Variants in CFAP54 observed in about 807,000 individuals in gnomAD.
The protein encoded by CFAP54 is cilia- and flagella-associated protein 54.
Under a neutral mutation model 370.4 loss-of-function variants are expected in CFAP54, and 290 were observed. The observed-to-expected ratio is 0.78, with a 90% CI of 0.71 to 0.86. The LOEUF (loss-of-function observed/expected upper bound fraction) is 0.86. Ranked by LOEUF, CFAP54 falls within the 40% of genes least tolerant of loss-of-function variation. CFAP54 has a pLI of 0.00. For missense variants in CFAP54, 3,399 were observed against 3,528.7 expected (o/e 0.96, Z 0.93); for synonymous variants, 1,206 against 1,236.5 (o/e 0.98, Z 0.52).
chr12:96,753,928 T>C lies in CFAP54; in HGVS notation c.7840+30T>C, dbSNP rs199941237. 3.8e-5 allele frequency: 61 copies of C among 1,593,130 alleles called. No homozygotes were observed. In the South Asian group the frequency reaches 5.7e-4, roughly 15 times the overall value. On this transcript the variant is annotated intron_variant, in intron 56 of 67. Transcript: ENST00000524981. ...AATGCATCTGGGGTCAGAACTATGA[T>C]AAAATTTATGGAATTCTTTTTTCTG... is the stretch of plus-strand genomic sequence containing the variant.
At position 96,594,334 on chromosome 12, in the gene CFAP54, A is replaced by G. The variant is rs1451024457; in HGVS notation, c.3404A>G (p.Glu1135Gly). 1.3e-6 allele frequency: 2 copies of G among 1,534,830 alleles called. No individual in the cohort carries two copies. Among genetic ancestry groups the G allele is most frequent in the Non-Finnish European group, 1.7e-6 (2 of 1,145,998 alleles). ...IECERVLVAL[E>G]LSNFLNDSSY... ...TGTGAGAGAGTATTAGTGGCATTGG[A>G]ACTTAGCAACTTCCTAAATGATTCC... is the stretch of plus-strand genomic sequence containing the variant. Residue 1135 changes from glutamate (E) to glycine (G), a missense_variant, in exon 25 of 68, where the codon GAA becomes GGA. Glu to Gly is a moderately conservative substitution (Grantham distance 98, BLOSUM62 -2). Transcript: ENST00000524981.
At position 96,682,838 on chromosome 12, in the gene CFAP54, A is replaced by C. The variant is rs186001361; in HGVS notation, c.5717-1810A>C. ...GCCTCCTCTGTTTACCCATTTTCTT[A>C]GCTTGTCCATCACTATTGTGAGATT... is the stretch of plus-strand genomic sequence containing the variant. On this transcript the variant is annotated intron_variant, in intron 40 of 67. Coordinates refer to ENST00000524981, the MANE Select transcript of CFAP54 (RefSeq NM_001306084.2). Among the ~76,000 whole-genome samples, 176 of 152,270 alleles carry C rather than the reference A, an allele frequency of 1.2e-3. 1 individual carries two copies. Among genetic ancestry groups the C allele is most frequent in the African/African-American group, 4.0e-3 (167 of 41,546 alleles).
In CFAP54 at chr12:96,811,747, G is replaced by A; in HGVS notation, c.8862G>A (p.Leu2954=). The change falls in exon 64 of 68, where the codon TTG becomes TTA. Residue 2954 remains leucine (L), a synonymous_variant. Coordinates refer to ENST00000524981, the MANE Select transcript of CFAP54 (RefSeq NM_001306084.2). ...PKETEPMVLL[L]YAYNLKPLKI... ...TATTTTTCTTATAGGTTTTATTGTT[G>A]TATGCATATAATTTGAAGCCTCTGA... 2.0e-6 allele frequency: 3 copies of A among 1,488,084 alleles called. No individual in the cohort carries two copies. The highest frequency in any genetic ancestry group is 2.7e-6 in the Non-Finnish European group (3 of 1,118,262). 92.2% of individuals were successfully genotyped at this position (1,488,084 alleles called of 1,614,324 possible).
intron 39 of CFAP54, 44 bp from the exon 40 acceptor site, chr12:96,679,556 G>A (rs1264350435): frequency 5.7e-6 from 9 of 1,578,156 alleles, no homozygotes; most frequent in Non-Finnish European, 7.7e-6. Context: ...CCTTGGCTTG[G>A]TGCAGCATTT....
At chr12:96,764,129 A>G (rs1958369929) in intron 58 of CFAP54, 22 bp from the exon 59 acceptor site, 1 of 1,527,478 alleles carries the variant, frequency 6.5e-7, no homozygotes, top group African/African-American at 1.4e-5. Flanking sequence ...TTTATATCAT[A>G]ACACATTTGC....
At chr12:96,728,796 A>G (rs1187407732) in intron 50 of CFAP54, among the ~76,000 whole-genome samples, 1 of 151,792 alleles carries the variant, frequency 6.6e-6, no homozygotes, top group Non-Finnish European at 1.5e-5. Context: ...TTTTTTCCCC[A>G]TCTTTATGGT....
At chr12:96,640,838 T>C (rs1956718581) in intron 32 of CFAP54, among the ~76,000 whole-genome samples, 1 of 152,170 alleles carries the variant, frequency 6.6e-6, no homozygotes, top group African/African-American at 2.4e-5. Context: ...GGATTCCCTA[T>C]TTAATAAATG....
At chr12:96,785,490 C>A (rs2136694462) in intron 61 of CFAP54, among the ~76,000 whole-genome samples, 1 of 152,162 alleles carries the variant, frequency 6.6e-6, no homozygotes, top group East Asian at 1.9e-4. Context: ...TTGACCCATG[C>A]CAGGGCACAG....
intron 12 of CFAP54, 47 bp downstream of exon 12, chr12:96,535,647 T>G: frequency 7.7e-7 from 1 of 1,297,596 alleles, no homozygotes; most frequent in Non-Finnish European, 1.1e-6. Context: ...GAAGGAGGTT[T>G]TTGTGCCTAA....
chr12:96,679,430 G>GA (rs376587075), intron 39 of CFAP54, among the ~76,000 whole-genome samples, 170 bp from the exon 40 acceptor site: 19 of 145,716 alleles, frequency 1.3e-4, no homozygotes, highest in Middle Eastern at 3.5e-3. Context: ...TATACTAAAA[G>GA]AAAAAAAAAA....
At chr12:96,621,814 A>G in intron 27 of CFAP54, 93 bp downstream of exon 27, 2 of 844,174 alleles carry the variant, frequency 2.4e-6, no homozygotes, top group Non-Finnish European at 3.0e-6. Context: ...AAAATTGGTA[A>G]GTTTTACATT....
At chr12:96,518,641 G>A (rs1438486347) in intron 5 of CFAP54, among the ~76,000 whole-genome samples, 1 of 152,190 alleles carries the variant, frequency 6.6e-6, no homozygotes, top group African/African-American at 2.4e-5. Context: ...AGCTGCGATT[G>A]TGCCATTGCA....
At chr12:96,527,488 C>A in intron 9 of CFAP54, 44 bp downstream of exon 9, 3 of 1,318,840 alleles carry the variant, frequency 2.3e-6, no homozygotes, top group South Asian at 1.7e-5. Context: ...GAATGATACA[C>A]ATGAGTAACA....
chr12:96,542,906 G>T (rs1221457023), intron 14 of CFAP54, among the ~76,000 whole-genome samples: 4 of 152,150 alleles, frequency 2.6e-5, no homozygotes, highest in Middle Eastern at 6.8e-3. Flanking sequence ...CCCCTTTCAA[G>T]ACGTTTATCT....
chr12:96,526,754 C>A (rs1955385896), intron 8 of CFAP54, among the ~76,000 whole-genome samples: 1 of 152,118 alleles, frequency 6.6e-6, no homozygotes, highest in Non-Finnish European at 1.5e-5. Flanking sequence ...GATGTAATGG[C>A]AGCATGATAT....
rs1005160465 is a variant in CFAP54, at chr12:96,644,089, G to C, written c.4317-89G>C. ...CATAAGGGCAGTCAAGTGACTTATTGATGTATTATTTCCAAATTGGAATGA... is the reference window on the plus strand; with the variant it reads ...CATAAGGGCAGTCAAGTGACTTATTCATGTATTATTTCCAAATTGGAATGA... On this transcript the variant is annotated intron_variant, in intron 32 of 67. Transcript: ENST00000524981. 4.8e-6 allele frequency: 4 copies of C among 824,936 alleles called. No individual in the cohort carries two copies. In the African/African-American group the frequency reaches 6.9e-5, roughly 14 times the overall value. 51.1% of individuals were successfully genotyped at this position (824,936 alleles called of 1,614,324 possible).
In CFAP54 at chr12:96,581,032, T is replaced by C. The variant is rs377668288; in HGVS notation, c.3002T>C (p.Ile1001Thr). The change falls in exon 22 of 68, where the codon ATT becomes ACT. Residue 1001 changes from isoleucine (I) to threonine (T), a missense_variant. By Grantham distance (89) the Ile-to-Thr change is moderately conservative. Coordinates refer to ENST00000524981, the MANE Select transcript of CFAP54 (RefSeq NM_001306084.2). ...AACGGAAAGCTTGTCGGTGGTGCTA[T>C]TGGGGAGACAACTAAACCAATTCTG... ...SNNGKLVGGA[I>T]GETTKPILVY... The C allele has an allele frequency of 1.2e-4, 178 of 1,533,844 alleles. No individual in the cohort carries two copies. Among genetic ancestry groups the C allele is most frequent in the Non-Finnish European group, 1.4e-4 (162 of 1,145,580 alleles).
At chr12:96,704,092 T>C (rs1374403260) in intron 46 of CFAP54, among the ~76,000 whole-genome samples, 2 of 152,142 alleles carry the variant, frequency 1.3e-5, no homozygotes, top group African/African-American at 4.8e-5. Flanking sequence ...AATTATGATG[T>C]AATGTTTAGT....
intron 65 of CFAP54, among the ~76,000 whole-genome samples, chr12:96,819,212 G>T (rs1215036384): frequency 6.6e-6 from 1 of 152,206 alleles, no homozygotes; most frequent in African/African-American, 2.4e-5. Context: ...GAGTGAGTCA[G>T]CTGGGGACCT....
Sources: gnomAD v4.1 joint callset for allele counts (sites outside exome capture counted in the v4.1 genomes callset) on GRCh38, gnomAD v4.1.1 for gene constraint, MANE v1.5 for transcripts, NCBI Gene and HGNC (gene_info 2026-07-23, HGNC 2026-07-21) for gene names.